The following CFAP20DC variants were observed in gnomAD, a reference collection of about 807,000 sequenced individuals.
The protein encoded by CFAP20DC is CFAP20 domain containing.
CFAP20DC carries 84 observed loss-of-function variants against 101.7 expected under a neutral mutation model. The ratio of observed to expected loss-of-function variants is 0.83; its 90% CI spans 0.69 to 0.99. The LOEUF is 0.99. Ranked by LOEUF, CFAP20DC falls within the 50% of genes least tolerant of loss-of-function variation. The probability of loss-of-function intolerance (pLI) is 0.00; values close to 1 mark genes in which losing one functional copy is unlikely to be tolerated. For missense variants in CFAP20DC, 1,007 were observed against 970.3 expected, an observed-to-expected ratio of 1.04 and a Z score of -0.50; for synonymous variants, 359 against 351.2, an observed-to-expected ratio of 1.02 and a Z score of -0.25.
chr3:58,741,682 G>C (rs2067891424), downstream of CFAP20DC, among the ~76,000 whole-genome samples: 1 of 151,976 alleles, frequency 6.6e-6, no homozygotes, highest in Admixed American at 6.6e-5. Context: ...ATTTTTAGTA[G>C]AGATGGGGTT....
At chr3:58,838,289 G>A (rs1049484388) in intron 13 of CFAP20DC, among the ~76,000 whole-genome samples, 3 of 152,132 alleles carry the variant, frequency 2.0e-5, no homozygotes, top group Admixed American at 2.0e-4. Context: ...ATAACCAGCT[G>A]GTCAGAATCT....
intron 7 of CFAP20DC, among the ~76,000 whole-genome samples, chr3:58,880,236 C>A (rs1224403225): frequency 6.6e-6 from 1 of 152,098 alleles, no homozygotes; most frequent in African/African-American, 2.4e-5. Flanking sequence ...TATCAAGTTT[C>A]CTGTGTTTCC....
chr3:58,902,241 G>A (rs1238657782), intron 6 of CFAP20DC, among the ~76,000 whole-genome samples: 1 of 152,140 alleles, frequency 6.6e-6, no homozygotes, highest in African/African-American at 2.4e-5. Flanking sequence ...TGTGAATTGT[G>A]CTGCTATGAT....
Position 58,956,810 on chromosome 3 carries a change from A to G in CFAP20DC, c.279-19048T>C, listed in dbSNP as rs115693202. 7.4e-3 allele frequency among the ~76,000 whole-genome samples: 1,126 copies of G among 152,322 alleles called. 14 individuals are homozygous for G. The highest frequency in any genetic ancestry group is 0.026 in the African/African-American group (1,074 of 41,574). Reference sequence around the variant, plus strand: ...CATCATGGCAGAAGGGGAAGCAGACACATTCTTCTTCACATGGTAGGAGCA... The same window carrying G: ...CATCATGGCAGAAGGGGAAGCAGACGCATTCTTCTTCACATGGTAGGAGCA... On this transcript the variant is annotated intron_variant, in intron 4 of 16. Transcript: ENST00000482387.
At chr3:58,870,084 T>C (rs1226512591) in intron 8 of CFAP20DC, 89 bp downstream of exon 8, 3 of 830,182 alleles carry the variant, frequency 3.6e-6, no homozygotes, top group Non-Finnish European at 5.7e-6. Context: ...TGTCTGTCTT[T>C]CCCTCCCTCC....
chr3:58,809,847 A>G (rs1559623491), intron 14 of CFAP20DC, among the ~76,000 whole-genome samples: 1 of 152,224 alleles, frequency 6.6e-6, no homozygotes, highest in South Asian at 2.1e-4. Context: ...TCAAATAGAC[A>G]CAATAAAAAA....
intron 4 of CFAP20DC, among the ~76,000 whole-genome samples, chr3:58,941,717 C>T (rs547973902): frequency 7.2e-5 from 11 of 152,110 alleles, no homozygotes; most frequent in East Asian, 5.8e-4. Flanking sequence ...TACAGGCGCC[C>T]GCCACTGCCC....
intron 16 of CFAP20DC, among the ~76,000 whole-genome samples, chr3:58,748,533 C>T (rs1270998141): frequency 6.6e-6 from 1 of 152,088 alleles, no homozygotes; most frequent in Non-Finnish European, 1.5e-5. Context: ...AGAGAAGACT[C>T]CCCCAGGACC....
At chr3:58,806,260 T>A in intron 15 of CFAP20DC, 135 bp downstream of exon 15, 1 of 645,124 alleles carries the variant, frequency 1.6e-6, no homozygotes, top group East Asian at 2.8e-5. Flanking sequence ...GACAAGTAGA[T>A]GAACTAGGAC....
Position 58,817,510 on chromosome 3 carries a change from C to T in CFAP20DC, c.2176-11054G>A, listed in dbSNP as rs1179163884. Among the ~76,000 whole-genome samples, 15 of 145,042 alleles carry T rather than the reference C, an allele frequency of 1.0e-4. No individual in the cohort carries two copies. The South Asian group carries it at 1.4e-3, about 14-fold the overall frequency. ...TGAAGAATGCAGAAGCCTCAGGAGC[C>T]GATGCGATCAACTGGAAGAAAGGGT... On this transcript the variant is annotated intron_variant, in intron 14 of 16. Transcript: ENST00000482387.
At chr3:58,905,802 C>A (rs1394484035) in intron 6 of CFAP20DC, among the ~76,000 whole-genome samples, 1 of 152,170 alleles carries the variant, frequency 6.6e-6, no homozygotes, top group Non-Finnish European at 1.5e-5. Context: ...TCAGTCTTTG[C>A]AGAATAAAGA....
intron 15 of CFAP20DC, among the ~76,000 whole-genome samples, chr3:58,762,585 G>T (rs1178607030): frequency 6.6e-6 from 1 of 152,180 alleles, no homozygotes; most frequent in Non-Finnish European, 1.5e-5. Flanking sequence ...TCATTATGAT[G>T]TTAGCTGATT....
At chr3:58,777,616 T>C (rs560969746) in intron 15 of CFAP20DC, among the ~76,000 whole-genome samples, 24 of 152,340 alleles carry the variant, frequency 1.6e-4, no homozygotes, top group African/African-American at 4.8e-4. Context: ...GAAGTTACGA[T>C]ATTTCTCAGG....
At chr3:58,949,331 G>C (rs2107998882) in intron 4 of CFAP20DC, among the ~76,000 whole-genome samples, 1 of 152,148 alleles carries the variant, frequency 6.6e-6, no homozygotes, top group Middle Eastern at 3.4e-3. Context: ...GCTGGCTTTT[G>C]AATGTGTTTG....
rs1255623329 is a variant in CFAP20DC at position 58,960,489 on chromosome 3, C to T, written c.279-22727G>A. Among the ~76,000 whole-genome samples the T allele has an allele frequency of 3.5e-5, 5 of 143,430 alleles. No individual in the cohort carries two copies. The South Asian group carries it at 1.1e-3, about 32-fold the overall frequency. The allele number at this position is 143,430 out of a possible 152,430, so 94.1% of individuals were successfully genotyped here. On this transcript the variant is annotated intron_variant, in intron 4 of 16. Transcript: ENST00000482387. ...CCTGGGTGACACAGCAAGACTCTGT[C>T]TCAAAAAAAAAAAAAAAAATTCCTA... is the stretch of plus-strand genomic sequence containing the variant.
At chr3:58,817,789 A>T (rs2075308893) in intron 14 of CFAP20DC, among the ~76,000 whole-genome samples, 1 of 152,148 alleles carries the variant, frequency 6.6e-6, no homozygotes, top group Non-Finnish European at 1.5e-5. Context: ...AATACAGAGA[A>T]TGCCACAAAG....
Position 58,912,650 on chromosome 3 carries a change from G to A in CFAP20DC, c.550+1058C>T, listed in dbSNP as rs1429204700. 7.0e-6 allele frequency: 3 copies of A among 427,460 alleles called. No homozygotes were observed. Among genetic ancestry groups the A allele is most frequent in the East Asian group, 1.4e-4 (2 of 14,006 alleles). 26.5% of individuals were successfully genotyped at this position (427,460 alleles called of 1,614,324 possible). A position where few individuals can be genotyped will look rare whatever the true frequency, so the allele number is the denominator to read the frequency against. ...TAATAATCCCAGATGAAAATCAAAA[G>A]GAGGCATCAGTATTCTTTCAATACT... On this transcript the variant is annotated intron_variant, in intron 6 of 16. Coordinates refer to ENST00000482387, the MANE Select transcript of CFAP20DC (RefSeq NM_001394063.1). This position sits in a 1 kb window ranked among gnomAD's most constrained non-coding sequence, Gnocchi z 4.4.
At chr3:58,743,576 G>T (rs561807710) in intron 16 of CFAP20DC, among the ~76,000 whole-genome samples, 1 of 152,310 alleles carries the variant, frequency 6.6e-6, no homozygotes, top group East Asian at 1.9e-4. Context: ...TGGGCTATGT[G>T]CTCACCAGGG....
At chr3:58,834,339 TA>T (rs2076594493) in intron 13 of CFAP20DC, among the ~76,000 whole-genome samples, 1 of 152,218 alleles carries the variant, frequency 6.6e-6, no homozygotes, top group South Asian at 2.1e-4. Flanking sequence ...TTAAGCGTTC[TA>T]ATGTGTCACA....
Sources: allele counts gnomAD v4.1 joint callset (sites outside exome capture counted in the v4.1 genomes callset), GRCh38; gene constraint gnomAD v4.1.1; non-coding constraint Gnocchi (gnomAD v3.1); transcripts MANE v1.5; gene names NCBI Gene and HGNC (gene_info 2026-07-23, HGNC 2026-07-21).